Variants in YEATS2 observed in about 807,000 individuals in gnomAD.
YEATS2 encodes YEATS domain containing 2, also known as YEATS domain-containing protein 2.
Under a neutral mutation model 163.2 loss-of-function variants are expected in YEATS2, and 77 were observed. That is an observed-to-expected ratio of 0.47 (90% CI 0.39 to 0.57). The LOEUF (loss-of-function observed/expected upper bound fraction) is 0.57. YEATS2 is among the 20% of genes least tolerant of loss of function. YEATS2 has a pLI of 0.00. For missense variants in YEATS2, 1,549 were observed against 1,729.8 expected, an observed-to-expected ratio of 0.90 and a Z score of 1.85; for synonymous variants, 631 against 645.1, an observed-to-expected ratio of 0.98 and a Z score of 0.33.
At chr3:183,810,009 C>T (rs1244630182) in intron 30 of YEATS2, 1 of 159,110 alleles carries the variant, frequency 6.3e-6, no homozygotes, top group Non-Finnish European at 1.4e-5. Context: ...CTCCTGTGGC[C>T]CCTGCTTACC....
At chr3:183,783,953 G>T (rs181219263) in intron 19 of YEATS2, among the ~76,000 whole-genome samples, 39 of 152,224 alleles carry the variant, frequency 2.6e-4, no homozygotes, top group Admixed American at 5.2e-4. Context: ...TTTTGAGACA[G>T]GATCTCACAG....
At chr3:183,725,082 T>C (rs1016357252) in intron 6 of YEATS2, among the ~76,000 whole-genome samples, 10 of 151,312 alleles carry the variant, frequency 6.6e-5, no homozygotes, top group Non-Finnish European at 1.5e-4. Context: ...TATTAGTCTT[T>C]TTATACAAAT....
intron 1 of YEATS2, among the ~76,000 whole-genome samples, chr3:183,703,663 AT>A (rs1228581557): frequency 6.6e-6 from 1 of 152,204 alleles, no homozygotes; most frequent in Non-Finnish European, 1.5e-5. Context: ...ATAGATTTTG[AT>A]TTTTTTGATA....
Position 183,718,537 on chromosome 3 carries a change from G to C in YEATS2, c.236G>C (p.Arg79Pro), listed in dbSNP as rs1255615925. Reference protein sequence around the residue: ...IEARRMMDKLRACIVANYYAS... With the variant: ...IEARRMMDKLPACIVANYYAS... ...GCAAGAAGGATGATGGATAAACTGC[G>C]TGCCTGCATTGTAGCAAACTACTAT... The change falls in exon 4 of 31, where the codon CGT becomes CCT. Residue 79 changes from arginine to proline, a missense_variant. Arg to Pro is a moderately radical substitution (Grantham distance 103, BLOSUM62 -2). Coordinates refer to ENST00000305135, the MANE Select transcript of YEATS2 (RefSeq NM_018023.5). 1 of 1,613,616 alleles carries C rather than the reference G, an allele frequency of 6.2e-7. No individual in the cohort carries two copies.
intron 1 of YEATS2, among the ~76,000 whole-genome samples, chr3:183,706,141 C>T (rs543715077): frequency 2.0e-5 from 3 of 151,798 alleles, no homozygotes; most frequent in African/African-American, 4.8e-5. Flanking sequence ...GGATGGGGCA[C>T]GGTCAAGGAA....
intron 8 of YEATS2, 26 bp from the exon 9 acceptor site, chr3:183,747,646 A>G: frequency 1.2e-6 from 2 of 1,605,576 alleles, no homozygotes; most frequent in Non-Finnish European, 8.5e-7. Flanking sequence ...GTGAAATTTA[A>G]CACTCTCCCT....
intron 1 of YEATS2, among the ~76,000 whole-genome samples, chr3:183,705,358 GT>G (rs1352032903): frequency 4.6e-5 from 7 of 152,120 alleles, no homozygotes; most frequent in Admixed American, 4.6e-4. Flanking sequence ...CCTATCATCT[GT>G]ATTTTTATAA....
intron 15 of YEATS2, among the ~76,000 whole-genome samples, 193 bp downstream of exon 15, chr3:183,762,472 C>T (rs763611420): frequency 3.3e-5 from 5 of 152,126 alleles, no homozygotes; most frequent in Non-Finnish European, 5.9e-5. Flanking sequence ...TGGCAAGAGC[C>T]GCGTTATGTA....
At chr3:183,752,607 G>C (rs987839461) in intron 10 of YEATS2, among the ~76,000 whole-genome samples, 2 of 150,806 alleles carry the variant, frequency 1.3e-5, no homozygotes, top group African/African-American at 4.9e-5. Context: ...TACTCGGGAG[G>C]CTGAGGCAGG....
At position 183,789,525 on chromosome 3, in the gene YEATS2, A is replaced by ATTTTTTTTTTTTTTT. The variant is rs143473253; in HGVS notation, c.2914-1258_2914-1244dup. Among the ~76,000 whole-genome samples the ATTTTTTTTTTTTTTT allele has an allele frequency of 2.3e-4, 15 of 66,350 alleles. 2 individuals are homozygous for ATTTTTTTTTTTTTTT. The highest frequency in any genetic ancestry group is 7.5e-4 in the Admixed American group (3 of 3,976). 43.5% of individuals were successfully genotyped at this position (66,350 alleles called of 152,430 possible). A position where few individuals can be genotyped will look rare whatever the true frequency, so the allele number is the denominator to read the frequency against. ...TTAGGTTTCAGATTCATTCGAGTTA[A>ATTTTTTTTTTTTTTT]TTTTTTTTTTTTTTTTTTTTTTTTT... On this transcript the variant is annotated intron_variant, in intron 20 of 30. Transcript: ENST00000305135.
At chr3:183,789,523 T>A (rs1293527025) in intron 20 of YEATS2, among the ~76,000 whole-genome samples, 1 of 136,118 alleles carries the variant, frequency 7.3e-6, no homozygotes, top group Non-Finnish European at 1.5e-5. Flanking sequence ...TCATTCGAGT[T>A]AATTTTTTTT....
chr3:183,750,689 G>A (rs1435200094), intron 9 of YEATS2, among the ~76,000 whole-genome samples: 1 of 152,116 alleles, frequency 6.6e-6, no homozygotes, highest in African/African-American at 2.4e-5. Flanking sequence ...GTGATGTTGA[G>A]GATCCCTTCA....
chr3:183,728,570 T>A, intron 6 of YEATS2, 120 bp from the exon 7 acceptor site: 1 of 883,970 alleles, frequency 1.1e-6, no homozygotes, highest in Non-Finnish European at 1.7e-6. Context: ...GTTTAGGTGA[T>A]GTAGTTGTTA....
chr3:183,793,274 A>T (rs908800952), intron 21 of YEATS2: 12 of 1,164,164 alleles, frequency 1.0e-5, no homozygotes, highest in Non-Finnish European at 1.2e-5. Context: ...TACTTCATTC[A>T]TATGTAGCTC....
chr3:183,747,427 A>G (rs1036832624), intron 8 of YEATS2, among the ~76,000 whole-genome samples: 2 of 152,116 alleles, frequency 1.3e-5, no homozygotes, highest in Admixed American at 6.5e-5. Context: ...CCATTTTTAC[A>G]TTGTCCTTAG....
chr3:183,775,611 G>C (rs74918707), intron 17 of YEATS2, among the ~76,000 whole-genome samples: 1 of 152,096 alleles, frequency 6.6e-6, no homozygotes, highest in Non-Finnish European at 1.5e-5. Flanking sequence ...TACTTGGCTA[G>C]AAAATGTCAG....
intron 25 of YEATS2, 106 bp downstream of exon 25, chr3:183,801,634 G>A (rs1304946635): frequency 1.7e-5 from 14 of 845,158 alleles, no homozygotes; most frequent in Middle Eastern, 2.3e-4. Flanking sequence ...TTGATATGGC[G>A]GTTACCTTAT....
chr3:183,702,417 C>T (rs1714192806), intron 1 of YEATS2, among the ~76,000 whole-genome samples: 1 of 151,962 alleles, frequency 6.6e-6, no homozygotes, highest in Admixed American at 6.6e-5. Context: ...TGCACTCCAG[C>T]CTGGGCGACA....
At chr3:183,752,949 CA>C (rs1720343625) in intron 10 of YEATS2, among the ~76,000 whole-genome samples, 1 of 151,608 alleles carries the variant, frequency 6.6e-6, no homozygotes, top group Non-Finnish European at 1.5e-5. Context: ...AGGCGTCCAC[CA>C]CCGCTCTCGG....
Sources: gnomAD v4.1 joint callset for allele counts (sites outside exome capture counted in the v4.1 genomes callset) on GRCh38, gnomAD v4.1.1 for gene constraint, MANE v1.5 for transcripts, NCBI Gene and HGNC (gene_info 2026-07-23, HGNC 2026-07-21) for gene names.